Variants in AHNAK observed in about 807,000 individuals in gnomAD.
AHNAK encodes AHNAK nucleoprotein, also known as neuroblast differentiation-associated protein AHNAK.
In AHNAK, 23 loss-of-function variants were observed where a neutral mutation model predicts 37.8. The observed-to-expected ratio is 0.61, with a 90% CI of 0.44 to 0.86. AHNAK has a LOEUF of 0.86. Ranked by LOEUF, AHNAK falls within the 40% of genes least tolerant of loss-of-function variation. The pLI is 0.00. For missense variants in AHNAK, 7,411 were observed against 7,319.4 expected, an observed-to-expected ratio of 1.01 and a Z score of -0.46; for synonymous variants, 2,481 against 2,636.3, an observed-to-expected ratio of 0.94 and a Z score of 1.80.
chr11:62,477,220 A>G (rs773383396), intron 5 of AHNAK, among the ~76,000 whole-genome samples: 1 of 152,208 alleles, frequency 6.6e-6, no homozygotes, highest in Non-Finnish European at 1.5e-5. Flanking sequence ...TACAGGAATG[A>G]AAAAACTTAT....
In AHNAK at chr11:62,496,336, G is replaced by A. The variant is rs186532768; in HGVS notation, c.343-4505C>T. ...ATGAAATCTAGCCATCCTAGGTGCT[G>A]TTGCAATTCAATCACTAGAGATTAA... On this transcript the variant is annotated intron_variant, in intron 4 of 5. Transcript: ENST00000257247. Among the ~76,000 whole-genome samples the A allele has an allele frequency of 4.6e-5, 7 of 152,276 alleles. No individual in the cohort carries two copies. In the East Asian group the frequency reaches 1.2e-3, roughly 25 times the overall value.
rs757553017 is a variant in AHNAK, at chr11:62,521,642, T to C, written c.12775A>G (p.Met4259Val). Residue 4259 changes from methionine to valine, a missense_variant, in exon 5 of 5, where the codon ATG becomes GTG. Met to Val is a conservative substitution (Grantham distance 21, BLOSUM62 1). Coordinates refer to ENST00000378024, the MANE Select transcript of AHNAK (RefSeq NM_001620.3). ...TTCAGATGCAAATCAAAGTCAGGCA[T>C]GGAGATCTTGGGGGCTTTGATGTTC... ...EMNIKAPKIS[M>V]PDFDLHLKGP... The C allele has an allele frequency of 5.6e-6, 9 of 1,613,822 alleles. No homozygotes were observed. The highest frequency in any genetic ancestry group is 6.8e-6 in the Non-Finnish European group (8 of 1,179,984).
At chr11:62,496,682 C>A (rs777360110) in intron 4 of AHNAK, among the ~76,000 whole-genome samples, 57 of 152,130 alleles carry the variant, frequency 3.7e-4, no homozygotes, top group Admixed American at 2.3e-3. Context: ...GTAGTCCCAG[C>A]TACTCGGTAG....
At chr11:62,481,358 C>T (rs1939269002) in intron 5 of AHNAK, among the ~76,000 whole-genome samples, 1 of 152,020 alleles carries the variant, frequency 6.6e-6, no homozygotes, top group African/African-American at 2.4e-5. Flanking sequence ...CCACCCACCT[C>T]GGCCTCCCAG....
intron 5 of AHNAK, among the ~76,000 whole-genome samples, chr11:62,467,179 T>C (rs1360345682): frequency 7.0e-6 from 1 of 143,166 alleles, no homozygotes; most frequent in African/African-American, 2.6e-5. Flanking sequence ...GACGCTGCAC[T>C]CCAGTGTGGG....
At chr11:62,445,784 A>G (rs1938412868) in intron 5 of AHNAK, among the ~76,000 whole-genome samples, 1 of 151,814 alleles carries the variant, frequency 6.6e-6, no homozygotes, top group South Asian at 2.1e-4. Flanking sequence ...TGGGAGGCTG[A>G]GGCAGCCAAA....
chr11:62,527,657 G>T lies in AHNAK; in HGVS notation c.6760C>A (p.Pro2254Thr). The T allele has an allele frequency of 3.1e-6, 5 of 1,614,054 alleles. No homozygotes were observed. The highest frequency in any genetic ancestry group is 4.2e-6 in the Non-Finnish European group (5 of 1,180,010). Residue 2254 changes from proline to threonine, a missense_variant, in exon 5 of 5, where the codon CCT (proline) becomes ACT (threonine). Transcript: ENST00000378024. ...TCTGGGCCCTCTCCTTTGAAGCCAGGCATGCTGAACTTGGGCATTTTCATC... is the reference window on the plus strand; with the variant it reads ...TCTGGGCCCTCTCCTTTGAAGCCAGTCATGCTGAACTTGGGCATTTTCATC... ...PKMKMPKFSM[P>T]GFKGEGPEVD...
At position 62,488,012 on chromosome 11, in the gene AHNAK, T is replaced by A. The variant is rs141701024; in HGVS notation, c.442+3720A>T. Among the ~76,000 whole-genome samples the A allele has an allele frequency of 3.5e-3, 530 of 152,252 alleles. 4 individuals carry two copies. Among genetic ancestry groups the A allele is most frequent in the African/African-American group, 0.012 (484 of 41,540 alleles). ...CTGGCAAGGAGAACTATAATCTTTCTCCTGTACTTTAAACCAAGGCATGAG... is the reference window on the plus strand; with the variant it reads ...CTGGCAAGGAGAACTATAATCTTTCACCTGTACTTTAAACCAAGGCATGAG... On this transcript the variant is annotated intron_variant, in intron 5 of 5. Coordinates refer to the AHNAK transcript ENST00000257247.
chr11:62,545,004 C>G (rs1241809018), intron 1 of AHNAK, among the ~76,000 whole-genome samples: 1 of 152,174 alleles, frequency 6.6e-6, no homozygotes, highest in Non-Finnish European at 1.5e-5. Context: ...GGTTCGAAAC[C>G]AGTATTTACT....
rs775309820 is a variant in AHNAK, at chr11:62,523,202, G to A, written c.11215C>T (p.His3739Tyr). The change falls in exon 5 of 5, where the codon CAC becomes TAC. Residue 3739 changes from histidine to tyrosine, a missense_variant. Coordinates refer to ENST00000378024, the MANE Select transcript of AHNAK (RefSeq NM_001620.3). ...ATCGATATTTTGGGAGCCTTCAGGTGCATCTCTGGTATCTTAAATTTGGGT... is the reference window on the plus strand; with the variant it reads ...ATCGATATTTTGGGAGCCTTCAGGTACATCTCTGGTATCTTAAATTTGGGT... Reference protein sequence around the residue: ...KGPKFKIPEMHLKAPKISMPD... With the variant: ...KGPKFKIPEMYLKAPKISMPD... 6 of 1,613,084 alleles carry A rather than the reference G, an allele frequency of 3.7e-6. No homozygotes were observed. The highest frequency in any genetic ancestry group is 5.1e-6 in the Non-Finnish European group (6 of 1,179,802).
chr11:62,475,627 CAG>C (rs1939127991), intron 5 of AHNAK, among the ~76,000 whole-genome samples: 1 of 45,980 alleles, frequency 2.2e-5, no homozygotes, highest in South Asian at 1.1e-3. Context: ...TTTTTTTAGA[CAG>C]AGTCTCACTC....
chr11:62,461,824 CAAA>C lies in AHNAK; in HGVS notation c.443-27936_443-27934del, dbSNP rs34702871. Among the ~76,000 whole-genome samples, 14 of 90,106 alleles carry C rather than the reference CAAA, an allele frequency of 1.6e-4. No homozygotes were observed. In the South Asian group the frequency reaches 3.8e-3, roughly 25 times the overall value. 59.1% of individuals were successfully genotyped at this position (90,106 alleles called of 152,430 possible). ...TGGGCAACAGAGCGAAACGACATCT[CAAA>C]AAAAAAAAAAAAAACAACCTTCCAC... On this transcript the variant is annotated intron_variant, in intron 5 of 5. Coordinates refer to the AHNAK transcript ENST00000257247.
chr11:62,469,767 C>T (rs1189824780), intron 5 of AHNAK, among the ~76,000 whole-genome samples: 2 of 152,122 alleles, frequency 1.3e-5, no homozygotes, highest in East Asian at 3.9e-4. Context: ...TACGTGGGGC[C>T]TACGTGTAAT....
At chr11:62,496,163 A>G (rs558692441) in intron 4 of AHNAK, among the ~76,000 whole-genome samples, 27 of 152,212 alleles carry the variant, frequency 1.8e-4, no homozygotes, top group Non-Finnish European at 3.4e-4. Context: ...TTCAGTTACT[A>G]TTCACTTTAG....
intron 2 of AHNAK, 94 bp from the exon 3 acceptor site, chr11:62,536,192 A>G: frequency 1.4e-6 from 2 of 1,383,866 alleles, no homozygotes; most frequent in African/African-American, 1.5e-5. Flanking sequence ...TGTGAACTCC[A>G]GGGAGTGGGG....
chr11:62,442,043 A>G (rs919156738), intron 5 of AHNAK, among the ~76,000 whole-genome samples: 2 of 152,160 alleles, frequency 1.3e-5, no homozygotes, highest in African/African-American at 2.4e-5. Flanking sequence ...TCAGACACAC[A>G]TGGAGCTGCC....
rs754481303 is a variant in AHNAK, at chr11:62,523,494, A to C, written c.10923T>G (p.Asp3641Glu). ...GACCTTCAATATTCACGTCTGGAACATCAACGTCTACATTGGGACCAGAAA... is the reference window on the plus strand; with the variant it reads ...GACCTTCAATATTCACGTCTGGAACCTCAACGTCTACATTGGGACCAGAAA... ...IDISGPNVDV[D>E]VPDVNIEGPD... The change falls in exon 5 of 5, where the codon GAT (aspartate) becomes GAG (glutamate). Residue 3641 changes from aspartate (D) to glutamate (E), a missense_variant. Coordinates refer to ENST00000378024, the MANE Select transcript of AHNAK (RefSeq NM_001620.3). 1 of 1,613,642 alleles carries C rather than the reference A, an allele frequency of 6.2e-7. No homozygotes were observed. Among genetic ancestry groups the C allele is most frequent in the Admixed American group, 1.7e-5 (1 of 59,946 alleles).
At chr11:62,475,591 G>T (rs192096711) in intron 5 of AHNAK, among the ~76,000 whole-genome samples, 1,433 of 128,202 alleles carry the variant, frequency 0.011, 19 homozygotes, top group African/African-American at 0.038. Flanking sequence ...AATAAATGTG[G>T]TTATGTTATA....
At chr11:62,485,549 A>G (rs2134880344) in intron 5 of AHNAK, among the ~76,000 whole-genome samples, 1 of 152,048 alleles carries the variant, frequency 6.6e-6, no homozygotes, top group African/African-American at 2.4e-5. Context: ...AAAAATACAA[A>G]AAATTAGCTG....
Sources: gnomAD v4.1 joint callset for allele counts (sites outside exome capture counted in the v4.1 genomes callset) on GRCh38, gnomAD v4.1.1 for gene constraint, MANE v1.5 for transcripts, NCBI Gene and HGNC (gene_info 2026-07-23, HGNC 2026-07-21) for gene names.